Variants in ANO1 observed in about 807,000 individuals in gnomAD.
The protein encoded by ANO1 is anoctamin 1.
ANO1 carries 59 observed loss-of-function variants against 124.0 expected under a neutral mutation model. That is an observed-to-expected ratio of 0.48 (90% CI 0.39 to 0.59). The LOEUF is 0.59. Ranked by LOEUF, ANO1 falls within the 20% of genes least tolerant of loss-of-function variation. The pLI is 0.00. For missense variants in ANO1, 1,059 were observed against 1,328.0 expected, an observed-to-expected ratio of 0.80 and a Z score of 3.15; for synonymous variants, 529 against 532.0, an observed-to-expected ratio of 0.99 and a Z score of 0.08.
chr11:70,012,965 G>T (rs193118570), intron 1 of ANO1, among the ~76,000 whole-genome samples: 2 of 152,328 alleles, frequency 1.3e-5, no homozygotes, highest in Admixed American at 1.3e-4. Flanking sequence ...CAGACAATAG[G>T]CAACAATATT....
In ANO1 at chr11:70,126,576, G is replaced by A. The variant is rs148891740; in HGVS notation, c.1097+381G>A. ...AGGCATGAATGCTAGGGGCTTCAGT[G>A]TAGGCTGGTACTTGCGGGAGGTGAG... On this transcript the variant is annotated intron_variant, in intron 10 of 25. Transcript: ENST00000355303. Among the ~76,000 whole-genome samples, 643 of 152,306 alleles carry A rather than the reference G, an allele frequency of 4.2e-3. 2 individuals are homozygous for A. Among genetic ancestry groups the A allele is most frequent in the African/African-American group, 0.014 (589 of 41,570 alleles).
intron 1 of ANO1, among the ~76,000 whole-genome samples, chr11:70,082,057 G>T (rs900050374): frequency 1.3e-5 from 2 of 152,182 alleles, no homozygotes; most frequent in Non-Finnish European, 2.9e-5. Flanking sequence ...GTCTTTGTCG[G>T]CATCTCACAG....
intron 1 of ANO1, among the ~76,000 whole-genome samples, chr11:69,986,515 G>A (rs542577312): frequency 2.0e-5 from 3 of 152,272 alleles, no homozygotes; most frequent in Non-Finnish European, 2.9e-5. Flanking sequence ...TCCCAATCCC[G>A]GGGGAGCGTC....
intron 1 of ANO1, chr11:70,065,380 T>C (rs1313530686): frequency 3.3e-5 from 5 of 152,322 alleles, no homozygotes; most frequent in Non-Finnish European, 5.9e-5. Flanking sequence ...CTAAAATGTG[T>C]TTCCTGGGCA....
At chr11:70,008,819 ACT>A (rs1182980600) in intron 1 of ANO1, among the ~76,000 whole-genome samples, 19 of 152,154 alleles carry the variant, frequency 1.2e-4, no homozygotes, top group Non-Finnish European at 2.4e-4. Context: ...TGTCCAGGTC[ACT>A]GGCCATAGGG....
At chr11:69,970,347 G>A in the ANO1 span, among the ~76,000 whole-genome samples, 2 of 152,180 alleles carry the variant, frequency 1.3e-5, no homozygotes, top group African/African-American at 4.8e-5. Flanking sequence ...CAGACCCACG[G>A]GGAACAGCAG....
At chr11:70,185,339 C>T (rs981365621) in intron 24 of ANO1, among the ~76,000 whole-genome samples, 7 of 152,212 alleles carry the variant, frequency 4.6e-5, no homozygotes, top group East Asian at 1.9e-4. Context: ...TACTTCCTGC[C>T]ACATGTGTTT....
At chr11:70,099,491 C>T in intron 2 of ANO1, among the ~76,000 whole-genome samples, 1 of 152,120 alleles carries the variant, frequency 6.6e-6, no homozygotes, top group Admixed American at 6.5e-5. Flanking sequence ...GTGAGCAGAG[C>T]CCAGAAATAA....
intron 1 of ANO1, among the ~76,000 whole-genome samples, chr11:70,073,199 G>A (rs572114915): frequency 1.3e-5 from 2 of 151,748 alleles, no homozygotes; most frequent in Non-Finnish European, 1.5e-5. Context: ...GTGCTGTCCC[G>A]CTGCGGGGAG....
intron 11 of ANO1, among the ~76,000 whole-genome samples, chr11:70,134,086 C>T (rs533279902): frequency 6.6e-6 from 1 of 152,322 alleles, no homozygotes; most frequent in South Asian, 2.1e-4. Context: ...TATTGGGCAG[C>T]TCCGTGTCCT....
intron 12 of ANO1, 174 bp downstream of exon 12, chr11:70,149,966 C>A (rs967818137): frequency 1.4e-6 from 1 of 714,276 alleles, no homozygotes; most frequent in Non-Finnish European, 2.5e-6. Context: ...AACACCCTGG[C>A]GTTCCGAACA....
upstream of ANO1, among the ~76,000 whole-genome samples, chr11:69,983,608 T>C (rs1373801155): frequency 6.6e-6 from 1 of 152,208 alleles, no homozygotes; most frequent in Non-Finnish European, 1.5e-5. Flanking sequence ...CACCCTCTCC[T>C]GCGGGCCACA....
At chr11:69,982,752 C>T (rs569740307), upstream of ANO1, among the ~76,000 whole-genome samples, 2 of 152,320 alleles carry the variant, frequency 1.3e-5, no homozygotes, top group Admixed American at 1.3e-4. Flanking sequence ...GAGGCTGGAC[C>T]TGGAGGGCTG....
chr11:70,122,177 C>G (rs543654626), intron 8 of ANO1, among the ~76,000 whole-genome samples: 1 of 133,230 alleles, frequency 7.5e-6, no homozygotes, highest in East Asian at 2.4e-4. Flanking sequence ...TCCCCCACCT[C>G]TCTGTCTGTC....
intron 1 of ANO1, among the ~76,000 whole-genome samples, chr11:69,992,310 T>C (rs61885151): frequency 0.11 from 16,200 of 152,198 alleles, 893 homozygotes; most frequent in East Asian, 0.14. Flanking sequence ...GATGGATGGA[T>C]GGTAATTGAT....
At chr11:70,162,706 C>T (rs1476708738) in intron 18 of ANO1, among the ~76,000 whole-genome samples, 2 of 152,128 alleles carry the variant, frequency 1.3e-5, no homozygotes, top group African/African-American at 2.4e-5. Context: ...GCCATGCCCG[C>T]CCTCCTGGCC....
chr11:70,134,383 G>A (rs373975555), intron 11 of ANO1, among the ~76,000 whole-genome samples: 43 of 152,290 alleles, frequency 2.8e-4, no homozygotes, highest in African/African-American at 8.9e-4. Flanking sequence ...CTGCTGCCCC[G>A]TGTACATTTC....
rs371250706 is a variant in ANO1 at position 70,176,139 on chromosome 11, G to GTA, written c.2351-3852_2351-3851dup. Among the ~76,000 whole-genome samples the GTA allele has an allele frequency of 9.5e-3, 1,389 of 146,452 alleles. 18 individuals are homozygous for GTA. Among genetic ancestry groups the GTA allele is most frequent in the African/African-American group, 0.029 (1,140 of 39,212 alleles). On this transcript the variant is annotated intron_variant, in intron 22 of 25. Transcript: ENST00000355303. ...GGACAGGGCGACTTCCAGATTATGGGTATATATATATATACACTTTTTTTT... is the reference window on the plus strand; with the variant it reads ...GGACAGGGCGACTTCCAGATTATGGGTATATATATATATATACACTTTTTTTT...
At chr11:70,031,324 C>T (rs1333497170) in intron 1 of ANO1, among the ~76,000 whole-genome samples, 2 of 152,216 alleles carry the variant, frequency 1.3e-5, no homozygotes, top group African/African-American at 4.8e-5. Flanking sequence ...CCTCATCCTC[C>T]TTTCATTGTT....
Sources: allele counts gnomAD v4.1 joint callset (sites outside exome capture counted in the v4.1 genomes callset), GRCh38; gene constraint gnomAD v4.1.1; transcripts MANE v1.5; gene names NCBI Gene and HGNC (gene_info 2026-07-23, HGNC 2026-07-21).